HAPLN1: variants seen among roughly 807,000 people sequenced by gnomAD.
HAPLN1 encodes the protein Cartilage link protein.
A neutral mutation model predicts 36.5 loss-of-function variants in HAPLN1; 13 were observed. That is an observed-to-expected ratio of 0.36 (90% CI 0.23 to 0.57). HAPLN1 has a LOEUF of 0.57. HAPLN1 is among the 20% of genes least tolerant of loss of function. The probability of loss-of-function intolerance (pLI) is 0.83; values close to 1 mark genes in which losing one functional copy is unlikely to be tolerated. For missense variants in HAPLN1, 407 were observed against 439.7 expected (o/e 0.93, Z 0.66); for synonymous variants, 202 against 169.8 (o/e 1.19, Z -1.48).
At chr5:83,664,312 C>T (rs973688663) in intron 2 of HAPLN1, among the ~76,000 whole-genome samples, 23 of 151,902 alleles carry the variant, frequency 1.5e-4, no homozygotes, top group African/African-American at 5.1e-4. Flanking sequence ...CAAACTCGTC[C>T]TCAATGGCAA....
intron 1 of HAPLN1, among the ~76,000 whole-genome samples, chr5:83,678,836 T>A (rs973185597): frequency 2.6e-5 from 4 of 152,220 alleles, no homozygotes; most frequent in African/African-American, 9.6e-5. Flanking sequence ...GCTTCTAAGT[T>A]TAAAGAAATA....
At chr5:83,696,884 T>A (rs568491850) in intron 1 of HAPLN1, among the ~76,000 whole-genome samples, 1 of 152,302 alleles carries the variant, frequency 6.6e-6, no homozygotes, top group African/African-American at 2.4e-5. Flanking sequence ...TTTGAAACAT[T>A]AAAAAACTAA....
In HAPLN1 at chr5:83,660,151, C is replaced by A. The variant is rs553115840; in HGVS notation, c.101-7327G>T. Among the ~76,000 whole-genome samples the A allele has an allele frequency of 3.3e-5, 5 of 152,164 alleles. No homozygotes were observed. The South Asian group carries it at 1.0e-3, about 32-fold the overall frequency. Reference sequence around the variant, plus strand: ...GATCTGCATTATCACATGTGATATGCCAGGAAGCTATGATTTGGTAGGTAT... The same window carrying A: ...GATCTGCATTATCACATGTGATATGACAGGAAGCTATGATTTGGTAGGTAT... On this transcript the variant is annotated intron_variant, in intron 2 of 4. Transcript: ENST00000274341.
chr5:83,683,941 G>A (rs1205368682), intron 1 of HAPLN1, among the ~76,000 whole-genome samples: 5 of 152,126 alleles, frequency 3.3e-5, no homozygotes, highest in Admixed American at 6.6e-5. Flanking sequence ...CTGCTGAGAA[G>A]CAAACAGAAA....
chr5:83,716,573 A>G (rs1015829415), intron 1 of HAPLN1, among the ~76,000 whole-genome samples: 5 of 152,184 alleles, frequency 3.3e-5, no homozygotes, highest in African/African-American at 1.2e-4. Context: ...ATCTCCTTCC[A>G]TGTCTCTATC....
chr5:83,649,803 T>C (rs377436144), intron 3 of HAPLN1, among the ~76,000 whole-genome samples: 1 of 152,238 alleles, frequency 6.6e-6, no homozygotes, highest in Admixed American at 6.5e-5. Context: ...GCACCCTTTT[T>C]TGTATTTGAA....
At chr5:83,659,730 A>G (rs1750328984) in intron 2 of HAPLN1, among the ~76,000 whole-genome samples, 1 of 152,100 alleles carries the variant, frequency 6.6e-6, no homozygotes, top group Admixed American at 6.5e-5. Flanking sequence ...CAGTATACCT[A>G]TTGCTGTGTT....
intron 2 of HAPLN1, among the ~76,000 whole-genome samples, chr5:83,657,532 G>A (rs559693224): frequency 6.6e-6 from 1 of 152,222 alleles, no homozygotes; most frequent in African/African-American, 2.4e-5. Flanking sequence ...TCGGTTGTCA[G>A]GGGCTTCCTC....
intron 2 of HAPLN1, among the ~76,000 whole-genome samples, chr5:83,659,273 TA>T (rs200436194): frequency 0.3 from 43,196 of 146,374 alleles, 6,254 homozygotes; most frequent in South Asian, 0.36. Context: ...GACTTCATCT[TA>T]AAAAAAAAAA....
intron 1 of HAPLN1, among the ~76,000 whole-genome samples, chr5:83,678,935 G>A (rs895187820): frequency 4.6e-5 from 7 of 152,140 alleles, no homozygotes; most frequent in Non-Finnish European, 7.3e-5. Flanking sequence ...ATTTGTTATG[G>A]AGTTTAATAT....
chr5:83,700,226 C>A (rs1459446606), intron 1 of HAPLN1, among the ~76,000 whole-genome samples: 3 of 151,160 alleles, frequency 2.0e-5, no homozygotes, highest in Non-Finnish European at 4.4e-5. Flanking sequence ...CAACCACCAC[C>A]ACCACCACAA....
At chr5:83,671,300 C>G (rs1750712580) in intron 2 of HAPLN1, among the ~76,000 whole-genome samples, 1 of 152,108 alleles carries the variant, frequency 6.6e-6, no homozygotes, top group South Asian at 2.1e-4. Context: ...CGTGAATTTT[C>G]AACTATTTTC....
At chr5:83,680,502 T>G (rs1750973606) in intron 1 of HAPLN1, among the ~76,000 whole-genome samples, 1 of 152,152 alleles carries the variant, frequency 6.6e-6, no homozygotes, top group African/African-American at 2.4e-5. Flanking sequence ...CTAAAAAATT[T>G]TTCAGTTACA....
chr5:83,714,439 A>T (rs1751871883), intron 1 of HAPLN1, among the ~76,000 whole-genome samples: 2 of 152,230 alleles, frequency 1.3e-5, no homozygotes, highest in Non-Finnish European at 2.9e-5. Flanking sequence ...TAAACTGAGA[A>T]GATATTTAAA....
intron 1 of HAPLN1, chr5:83,686,058 T>C (rs1751113150): frequency 6.8e-6 from 1 of 146,030 alleles, no homozygotes; most frequent in Non-Finnish European, 1.5e-5. Flanking sequence ...TAAATTTCTC[T>C]ACCCTGGCAC....
In HAPLN1 at chr5:83,644,620, T is replaced by C. The variant is rs1405904159; in HGVS notation, c.518A>G (p.Asn173Ser). The C allele has an allele frequency of 4.6e-6, 7 of 1,507,124 alleles. No individual in the cohort carries two copies. Among genetic ancestry groups the C allele is most frequent in the African/African-American group, 1.4e-5 (1 of 70,580 alleles). The allele number at this position is 1,507,124 out of a possible 1,614,324, so 93.4% of individuals were successfully genotyped here. The change falls in exon 4 of 5, where the codon AAT becomes AGT. Residue 173 changes from asparagine to serine, a missense_variant. Transcript: ENST00000274341. ...YFPRLGRYNL[N>S]FHEAQQACLD... ...ACACGCCTGCTGCGCCTCGTGAAAA[T>C]TGAGATTGTAGCGCCCCAGTCGTGG...
At chr5:83,687,768 G>A (rs2112616124) in intron 1 of HAPLN1, among the ~76,000 whole-genome samples, 1 of 152,260 alleles carries the variant, frequency 6.6e-6, no homozygotes, top group Non-Finnish European at 1.5e-5. Flanking sequence ...ACATATTGGG[G>A]GGAAAATGAG....
intron 2 of HAPLN1, among the ~76,000 whole-genome samples, chr5:83,659,962 G>T (rs1750336156): frequency 2.6e-5 from 4 of 151,824 alleles, no homozygotes; most frequent in Admixed American, 1.3e-4. Flanking sequence ...GGTCTCACAG[G>T]CTACGAGATT....
intron 1 of HAPLN1, chr5:83,682,530 C>A (rs575115423): frequency 6.6e-6 from 1 of 152,316 alleles, no homozygotes; most frequent in South Asian, 2.1e-4. Flanking sequence ...CAATGCACTT[C>A]ATGCAGTCAA....
Sources: allele counts gnomAD v4.1 joint callset (sites outside exome capture counted in the v4.1 genomes callset), GRCh38; gene constraint gnomAD v4.1.1; transcripts MANE v1.5; gene names NCBI Gene and HGNC (gene_info 2026-07-23, HGNC 2026-07-21).